MYO1H: variants seen among roughly 807,000 people sequenced by gnomAD.
MYO1H encodes myosin IH, also known as unconventional myosin-Ih.
MYO1H carries 118 observed loss-of-function variants against 149.3 expected under a neutral mutation model. The observed-to-expected ratio is 0.79, with a 90% CI of 0.68 to 0.92. The LOEUF is 0.92. MYO1H is among the 40% of genes least tolerant of loss of function. The pLI, the probability that MYO1H is intolerant of heterozygous loss-of-function variation, is 0.00. For synonymous variants in MYO1H, 447 were observed against 465.2 expected, an observed-to-expected ratio of 0.96 and a Z score of 0.50; for missense variants, 1,212 against 1,280.7, an observed-to-expected ratio of 0.95 and a Z score of 0.82.
Position 109,438,521 on chromosome 12 carries a change from A to G in MYO1H, c.2210-15A>G, listed in dbSNP as rs1871968516. On this transcript the variant is annotated splice_polypyrimidine_tract_variant and intron_variant, in intron 22 of 31. Coordinates refer to ENST00000310903, the Ensembl canonical transcript of MYO1H. ...ATTGTGCTCACCTTCTAATGCCAGC[A>G]GTGAACTCTTTCAGCCATCAAACTG... 2 of 1,605,020 alleles carry G rather than the reference A, an allele frequency of 1.2e-6. No individual in the cohort carries two copies. Among genetic ancestry groups the G allele is most frequent in the Non-Finnish European group, 1.7e-6 (2 of 1,173,042 alleles).
chr12:109,436,918 G>A (rs1171289243), intron 22 of MYO1H, among the ~76,000 whole-genome samples: 1 of 151,480 alleles, frequency 6.6e-6, no homozygotes, highest in Non-Finnish European at 1.5e-5. Context: ...GTGAAACCCT[G>A]TCTCTACCAA....
chr12:109,425,862 A>G, intron 17 of MYO1H, 84 bp from the exon 18 acceptor site: 1 of 976,338 alleles, frequency 1.0e-6, no homozygotes, highest in Non-Finnish European at 1.6e-6. Context: ...TGACACCTTG[A>G]GCCCTGGCCA....
chr12:109,318,960 GTTTTTGGT>G, the MYO1H span, among the ~76,000 whole-genome samples: 1 of 77,938 alleles, frequency 1.3e-5, no homozygotes, highest in Non-Finnish European at 2.3e-5. Flanking sequence ...AACTCTCTGC[GTTTTTGGT>G]TTTGTTTTTT....
chr12:109,397,659 G>GAATA, intron 4 of MYO1H, 73 bp from the exon 5 acceptor site: 1 of 1,204,374 alleles, frequency 8.3e-7, no homozygotes. Flanking sequence ...TGTAATAAGT[G>GAATA]TATTATTTGG....
chr12:109,408,419 C>T (rs923868386), intron 10 of MYO1H, among the ~76,000 whole-genome samples: 2 of 152,184 alleles, frequency 1.3e-5, no homozygotes, highest in Admixed American at 1.3e-4. Flanking sequence ...AAGCCATCTT[C>T]CCACTGCTGC....
intron 1 of MYO1H, chr12:109,354,388 G>T (rs1274259941): frequency 6.6e-6 from 1 of 151,810 alleles, no homozygotes; most frequent in Non-Finnish European, 1.5e-5. Context: ...AGATCACGAA[G>T]TCAGGAGATC....
rs554432694 is a variant in MYO1H at position 109,412,151 on chromosome 12, C to T, written c.1502+166C>T. Among the ~76,000 whole-genome samples the T allele has an allele frequency of 3.9e-5, 6 of 152,154 alleles. No homozygotes were observed. In the South Asian group the frequency reaches 1.0e-3, roughly 26 times the overall value. The stretch of plus-strand genomic sequence containing the variant: ...CAGACCTTTGTTAGTAGAAATTAAA[C>T]CTAAATGAATTATAATTTTTTTTTG... On this transcript the variant is annotated intron_variant, in intron 14 of 31. Transcript: ENST00000310903.
intron 2 of MYO1H, 36 bp downstream of exon 2, chr12:109,388,880 T>C: frequency 1.3e-6 from 2 of 1,570,588 alleles, no homozygotes; most frequent in Non-Finnish European, 1.7e-6. Flanking sequence ...TTTTCTAGGG[T>C]GGTTGTTCCC....
At chr12:109,435,206 T>C in intron 21 of MYO1H, 93 bp downstream of exon 21, 1 of 763,132 alleles carries the variant, frequency 1.3e-6, no homozygotes, top group Non-Finnish European at 2.1e-6. Flanking sequence ...TTTGATATAG[T>C]GTTAGAAGCA....
chr12:109,320,483 G>A, the MYO1H span, among the ~76,000 whole-genome samples: 1 of 145,714 alleles, frequency 6.9e-6, no homozygotes, highest in African/African-American at 2.5e-5. Flanking sequence ...AAAAAGCCAG[G>A]TGTGGTGGCA....
intron 2 of MYO1H, among the ~76,000 whole-genome samples, chr12:109,390,759 G>A (rs575814230): frequency 4.6e-5 from 7 of 151,884 alleles, no homozygotes; most frequent in East Asian, 3.9e-4. Context: ...TCCGCCACCC[G>A]GGTTCAAGCA....
the MYO1H span, among the ~76,000 whole-genome samples, chr12:109,318,128 A>G: frequency 4.5e-4 from 69 of 152,348 alleles, no homozygotes; most frequent in Non-Finnish European, 7.3e-4. Context: ...AGCTGAACAA[A>G]TTTAGGTTAT....
intron 1 of MYO1H, among the ~76,000 whole-genome samples, chr12:109,349,071 A>G (rs1476750273): frequency 3.9e-5 from 6 of 152,216 alleles, no homozygotes; most frequent in Non-Finnish European, 8.8e-5. Flanking sequence ...GATATCTCAA[A>G]GTGGTAACTC....
At chr12:109,399,842 G>C (rs985293089) in intron 5 of MYO1H, among the ~76,000 whole-genome samples, 7 of 151,970 alleles carry the variant, frequency 4.6e-5, no homozygotes, top group African/African-American at 1.7e-4. Flanking sequence ...TTGAGCCCAG[G>C]CATTTGAGGT....
At chr12:109,421,393 C>T (rs76049026) in intron 16 of MYO1H, among the ~76,000 whole-genome samples, 1 of 152,222 alleles carries the variant, frequency 6.6e-6, no homozygotes, top group African/African-American at 2.4e-5. Flanking sequence ...AGAGAATAAA[C>T]AAGGAACTGT....
At chr12:109,314,554 G>C in the MYO1H span, among the ~76,000 whole-genome samples, 1 of 152,158 alleles carries the variant, frequency 6.6e-6, no homozygotes, top group Non-Finnish European at 1.5e-5. Context: ...TCCGCTGTGA[G>C]GCAGACCAGG....
the MYO1H span, among the ~76,000 whole-genome samples, chr12:109,321,809 T>C: frequency 3.3e-5 from 5 of 150,866 alleles, no homozygotes; most frequent in African/African-American, 1.2e-4. Flanking sequence ...TACAGAGAAA[T>C]AGACATACAG....
rs1010043694 is a variant in MYO1H, at chr12:109,398,698, ACCACTGCACT to A, written c.570+890_570+899del. On this transcript the variant is annotated intron_variant, in intron 5 of 31. Transcript: ENST00000310903. ...CTGGGAGGTGGAGGTTGCAGTTGGC[ACCACTGCACT>A]CCAGCCCGGGCAACAAGAGCGAAAC... is the stretch of plus-strand genomic sequence containing the variant. 5.8e-4 allele frequency among the ~76,000 whole-genome samples: 81 copies of A among 139,772 alleles called. 1 individual carries two copies. Among genetic ancestry groups the A allele is most frequent in the African/African-American group, 2.1e-3 (78 of 38,042 alleles). 91.7% of individuals were successfully genotyped at this position (139,772 alleles called of 152,430 possible). A position where few individuals can be genotyped will look rare whatever the true frequency, so the allele number is the denominator to read the frequency against.
intron 15 of MYO1H, among the ~76,000 whole-genome samples, chr12:109,417,751 C>A (rs1360852580): frequency 6.6e-6 from 1 of 152,236 alleles, no homozygotes; most frequent in East Asian, 1.9e-4. Context: ...GGCTGTTTCT[C>A]TTCCTTGGAG....
Sources: gnomAD v4.1 joint callset for allele counts (sites outside exome capture counted in the v4.1 genomes callset) on GRCh38, gnomAD v4.1.1 for gene constraint, MANE v1.5 for transcripts, NCBI Gene and HGNC (gene_info 2026-07-23, HGNC 2026-07-21) for gene names.